The following FXR2 variants were observed in gnomAD, a reference collection of about 807,000 sequenced individuals.
The protein encoded by FXR2 is FMR1 autosomal homolog 2.
In FXR2, 9 loss-of-function variants were observed where a neutral mutation model predicts 87.3. The observed-to-expected ratio is 0.10, with a 90% CI of 0.06 to 0.18. FXR2 has a LOEUF of 0.18. FXR2 is among the 10% of genes least tolerant of loss of function. The pLI is 1.00. For missense variants in FXR2, 661 were observed against 893.6 expected (o/e 0.74, Z 3.32); for synonymous variants, 331 against 328.3 (o/e 1.01, Z -0.09).
rs1028651382 is a variant in FXR2 at position 7,595,255 on chromosome 17, C to T, written c.832-498G>A. On this transcript the variant is annotated intron_variant, in intron 8 of 16. Transcript: ENST00000250113. The surrounding 1 kb of genome is among the most constrained non-coding windows in gnomAD (Gnocchi z 4.7). ...TTGCTTGAGGCTAGGAGTTAACAAC[C>T]AGCTTGGGCAACAGAGATCTGGTCT... Among the ~76,000 whole-genome samples the T allele has an allele frequency of 6.6e-6, 1 of 151,966 alleles. No homozygotes were observed. Among genetic ancestry groups the T allele is most frequent in the Non-Finnish European group, 1.5e-5 (1 of 68,012 alleles).
chr17:7,593,228 G>A lies in FXR2; in HGVS notation c.1331-47C>T. On this transcript the variant is annotated intron_variant, in intron 12 of 16. Transcript: ENST00000250113. The surrounding 1 kb of genome is among the most constrained non-coding windows in gnomAD (Gnocchi z 6.1). ...ATTCACGGCCATTCATCCCACCTCA[G>A]GATCCATCACATCCCCCAAACTGGA... 7.1e-7 allele frequency: 1 copy of A among 1,407,538 alleles called. No individual in the cohort carries two copies. Among genetic ancestry groups the A allele is most frequent in the Non-Finnish European group, 9.5e-7 (1 of 1,047,420 alleles). 87.2% of individuals were successfully genotyped at this position (1,407,538 alleles called of 1,614,324 possible).
At chr17:7,598,455 AAAAACAAAAC>A (rs752936331) in intron 7 of FXR2, among the ~76,000 whole-genome samples, 3 of 152,268 alleles carry the variant, frequency 2.0e-5, no homozygotes, top group African/African-American at 2.4e-5. Flanking sequence ...ACTCCGTCTC[AAAAACAAAAC>A]AAAACAAAAC....
At chr17:7,600,389 G>A (rs1213827203) in intron 7 of FXR2, among the ~76,000 whole-genome samples, 2 of 151,802 alleles carry the variant, frequency 1.3e-5, no homozygotes, top group Admixed American at 1.3e-4. Flanking sequence ...AGTAAAGATG[G>A]GGTTTCACCA....
At chr17:7,609,959 T>TATGTATAC (rs2071840857) in intron 1 of FXR2, among the ~76,000 whole-genome samples, 1 of 101,688 alleles carries the variant, frequency 9.8e-6, no homozygotes, top group African/African-American at 3.0e-5. Context: ...TGTATACATA[T>TATGTATAC]ATATACATGT....
At chr17:7,603,437 G>A (rs2071775665) in intron 5 of FXR2, among the ~76,000 whole-genome samples, 2 of 150,336 alleles carry the variant, frequency 1.3e-5, no homozygotes, top group African/African-American at 2.5e-5. Context: ...TGAGGCAGGA[G>A]AATCGCCTGA....
In FXR2 at chr17:7,594,815, G is replaced by T; in HGVS notation, c.832-58C>A. The T allele has an allele frequency of 9.7e-7, 1 of 1,031,798 alleles. No individual in the cohort carries two copies. The highest frequency in any genetic ancestry group is 1.5e-6 in the Non-Finnish European group (1 of 649,808). The allele number at this position is 1,031,798 out of a possible 1,614,324, so 63.9% of individuals were successfully genotyped here. A position where few individuals can be genotyped will look rare whatever the true frequency, so the allele number is the denominator to read the frequency against. ...AACAGAAGACCAGCTGGATGTGGTG[G>T]CTCACGCCTGTAATCCCAGCACTTT... On this transcript the variant is annotated intron_variant, in intron 8 of 16. Coordinates refer to ENST00000250113, the MANE Select transcript of FXR2 (RefSeq NM_004860.4). The surrounding 1 kb of genome is among the most constrained non-coding windows in gnomAD (Gnocchi z 5.1).
rs1051616702 is a variant in FXR2, at chr17:7,593,510, C to G, written c.1223G>C (p.Gly408Ala). Reference protein sequence around the residue: ...GRGSGGSDKAGYSTDESSSSS... With the variant: ...GRGSGGSDKAAYSTDESSSSS... ...GGAGGAGCTCTCATCAGTGCTATAT[C>G]CAGCCTTGTCGCTGCCACCGCTGCC... is the stretch of plus-strand genomic sequence containing the variant. The change falls in exon 12 of 17, where the codon GGA becomes GCA. Residue 408 changes from glycine (G) to alanine (A), a missense_variant. Physicochemically the swap from Gly to Ala is moderately conservative, Grantham distance 60. Transcript: ENST00000250113. The surrounding 1 kb of genome is among the most constrained non-coding windows in gnomAD (Gnocchi z 6.1). 1.3e-6 allele frequency: 2 copies of G among 1,586,910 alleles called. No homozygotes were observed. Among genetic ancestry groups the G allele is most frequent in the African/African-American group, 1.3e-5 (1 of 74,564 alleles).
chr17:7,592,338 A>G lies in FXR2; in HGVS notation c.1842T>C (p.Tyr614=), dbSNP rs377608409. 1 of 1,612,370 alleles carries G rather than the reference A, an allele frequency of 6.2e-7. No homozygotes were observed. Among genetic ancestry groups the G allele is most frequent in the African/African-American group, 1.3e-5 (1 of 74,870 alleles). The part of the protein sequence containing the change: ...GDRQPVTVAD[Y]ISRAESQSRQ... ...GGCTCTGAGACTCTGCTCGTGAGAT[A>G]TAGTCAGCCACAGTCACTGGGGAAG... The change falls in exon 16 of 17, where the codon TAT becomes TAC. Residue 614 remains tyrosine (Y), a synonymous_variant. Transcript: ENST00000250113. The surrounding 1 kb of genome is among the most constrained non-coding windows in gnomAD (Gnocchi z 4.8).
chr17:7,591,575 T>G lies in FXR2; in HGVS notation c.*255A>C. 1 of 489,700 alleles carries G rather than the reference T, an allele frequency of 2.0e-6. No homozygotes were observed. Among genetic ancestry groups the G allele is most frequent in the Non-Finnish European group, 3.7e-6 (1 of 267,302 alleles). 30.3% of individuals were successfully genotyped at this position (489,700 alleles called of 1,614,324 possible). A position where few individuals can be genotyped will look rare whatever the true frequency, so the allele number is the denominator to read the frequency against. On this transcript the variant is annotated 3_prime_UTR_variant, in exon 17 of 17. Coordinates refer to ENST00000250113, the MANE Select transcript of FXR2 (RefSeq NM_004860.4). The surrounding 1 kb of genome is among the most constrained non-coding windows in gnomAD (Gnocchi z 4.0). ...AGAGAGAGATTGGGGCATTAGAGGA[T>G]AAAGGCACATCCAGTCTGATGGGGA...
chr17:7,602,662 G>A lies in FXR2; in HGVS notation c.543+247C>T, dbSNP rs1171744594. ...GAGAATTGCTTGAACCCGGGAGGTG[G>A]AGGTTGCAGTGAGCCGAGATCGTGC... On this transcript the variant is annotated intron_variant, in intron 6 of 16. Transcript: ENST00000250113. The A allele has an allele frequency of 1.2e-5, 4 of 340,782 alleles. No homozygotes were observed. The Admixed American group carries it at 1.4e-4, about 12-fold the overall frequency. 21.1% of individuals were successfully genotyped at this position (340,782 alleles called of 1,614,324 possible).
intron 3 of FXR2, among the ~76,000 whole-genome samples, chr17:7,604,809 C>T (rs1242987819): frequency 1.3e-5 from 2 of 150,230 alleles, no homozygotes; most frequent in Non-Finnish European, 3.0e-5. Flanking sequence ...GCAACCTCCA[C>T]TTCCTGGGTT....
chr17:7,593,643 GGAA>G lies in FXR2; in HGVS notation c.1108-21_1108-19del. ...TCTACCTCCTGGTTGGGTAAAAGATGGAAGAAGGGGAAGGAGAAATAAGATCAG... is the reference window on the plus strand; with the variant it reads ...TCTACCTCCTGGTTGGGTAAAAGATGGAAGGGGAAGGAGAAATAAGATCAG... On this transcript the variant is annotated intron_variant, in intron 11 of 16. Coordinates refer to ENST00000250113, the MANE Select transcript of FXR2 (RefSeq NM_004860.4). This position sits in a 1 kb window ranked among gnomAD's most constrained non-coding sequence, Gnocchi z 6.1. 1.3e-6 allele frequency: 2 copies of G among 1,497,090 alleles called. No homozygotes were observed. Among genetic ancestry groups the G allele is most frequent in the Non-Finnish European group, 1.8e-6 (2 of 1,096,850 alleles). 92.7% of individuals were successfully genotyped at this position (1,497,090 alleles called of 1,614,324 possible). A position where few individuals can be genotyped will look rare whatever the true frequency, so the allele number is the denominator to read the frequency against.
Position 7,614,617 on chromosome 17 carries a change from CGGA to C in FXR2, c.-88_-86del, listed in dbSNP as rs1428569915. 3.1e-5 allele frequency: 26 copies of C among 829,634 alleles called. No homozygotes were observed. The highest frequency in any genetic ancestry group is 3.4e-5 in the East Asian group (1 of 29,156). 51.4% of individuals were successfully genotyped at this position (829,634 alleles called of 1,614,324 possible). A position where few individuals can be genotyped will look rare whatever the true frequency, so the allele number is the denominator to read the frequency against. ...CCGGGCCAGGCCCCCGGCGTCTCCC[CGGA>C]GGAGGAGCCGGAGGGGGAGCCGCGG... On this transcript the variant is annotated 5_prime_UTR_variant, in exon 1 of 17. Coordinates refer to ENST00000250113, the MANE Select transcript of FXR2 (RefSeq NM_004860.4).
Position 7,614,438 on chromosome 17 carries a change from G to T in FXR2, c.81+14C>A. 1 of 1,523,366 alleles carries T rather than the reference G, an allele frequency of 6.6e-7. No homozygotes were observed. Among genetic ancestry groups the T allele is most frequent in the Non-Finnish European group, 8.8e-7 (1 of 1,133,016 alleles). The allele number at this position is 1,523,366 out of a possible 1,614,324, so 94.4% of individuals were successfully genotyped here. A position where few individuals can be genotyped will look rare whatever the true frequency, so the allele number is the denominator to read the frequency against. On this transcript the variant is annotated intron_variant, in intron 1 of 16. Coordinates refer to ENST00000250113, the MANE Select transcript of FXR2 (RefSeq NM_004860.4). ...GGCTAAGGACCGGCGTCCCCAGTCG[G>T]CGCGCCGTCTCACCTTGTAGAAGGC...
intron 1 of FXR2, among the ~76,000 whole-genome samples, chr17:7,610,786 CT>C (rs1246885248): frequency 6.6e-6 from 1 of 152,178 alleles, no homozygotes. Context: ...AGGGAGCCAC[CT>C]AGATCCAGAG....
In FXR2 at chr17:7,593,095, G is replaced by A. The variant is rs1345315697; in HGVS notation, c.1417C>T (p.Pro473Ser). The change falls in exon 13 of 17, where the codon CCC becomes TCC. Residue 473 changes from proline (P) to serine (S), a missense_variant. Transcript: ENST00000250113. This position sits in a 1 kb window ranked among gnomAD's most constrained non-coding sequence, Gnocchi z 6.1. ...PNRAGPGDRD[P>S]PTRGEESRRR... is the part of the protein sequence containing the mutation. The stretch of plus-strand genomic sequence containing the variant: ...CGGCTTTCTTCCCCTCGGGTTGGGG[G>A]ATCCCTGTCGCCAGGCCCAGCTCGG... 3 of 1,594,338 alleles carry A rather than the reference G, an allele frequency of 1.9e-6. No individual in the cohort carries two copies. Among genetic ancestry groups the A allele is most frequent in the Non-Finnish European group, 2.6e-6 (3 of 1,171,170 alleles).
rs1361395663 is a variant in FXR2 at position 7,614,043 on chromosome 17, G to A, written c.81+409C>T. 1.1e-5 allele frequency: 5 copies of A among 465,088 alleles called. No individual in the cohort carries two copies. In the East Asian group the frequency reaches 3.3e-4, roughly 31 times the overall value. The allele number at this position is 465,088 out of a possible 1,614,324, so 28.8% of individuals were successfully genotyped here. ...TTACGGGACAGAGGGCCTTCCCAAAGGGACCGTGTGGAAGAAAGACAATTC... is the reference window on the plus strand; with the variant it reads ...TTACGGGACAGAGGGCCTTCCCAAAAGGACCGTGTGGAAGAAAGACAATTC... On this transcript the variant is annotated intron_variant, in intron 1 of 16. Transcript: ENST00000250113.
In FXR2 at chr17:7,614,866, C is replaced by A. The variant is rs1597887196; in HGVS notation, c.-334G>T. 2 of 159,142 alleles carry A rather than the reference C, an allele frequency of 1.3e-5. No individual in the cohort carries two copies. Among genetic ancestry groups the A allele is most frequent in the Admixed American group, 1.3e-4 (2 of 15,404 alleles). 9.9% of individuals were successfully genotyped at this position (159,142 alleles called of 1,614,324 possible). ...GCTGCTGCCGCTGCCGCTCCACAGC[C>A]TCCACCTCCCCCTGCCACCGCCGCC... is the stretch of plus-strand genomic sequence containing the variant. On this transcript the variant is annotated 5_prime_UTR_variant, in exon 1 of 17. In the 5' UTR this introduces an upstream ATG that the reference lacks. Transcript: ENST00000250113.
chr17:7,611,551 C>A (rs991785702), intron 1 of FXR2, among the ~76,000 whole-genome samples: 2 of 152,054 alleles, frequency 1.3e-5, no homozygotes, highest in Non-Finnish European at 2.9e-5. Flanking sequence ...ACCTGTAATC[C>A]CAGCTACTCG....
Sources: gnomAD v4.1 joint callset for allele counts (sites outside exome capture counted in the v4.1 genomes callset) on GRCh38, gnomAD v4.1.1 for gene constraint, Gnocchi (gnomAD v3.1) non-coding constraint, MANE v1.5 for transcripts, NCBI Gene and HGNC (gene_info 2026-07-23, HGNC 2026-07-21) for gene names.